The following CSMD3 variants were observed in gnomAD, a reference collection of about 807,000 sequenced individuals.
The protein encoded by CSMD3 is CUB and Sushi multiple domains 3.
Under a neutral mutation model 435.2 loss-of-function variants are expected in CSMD3, and 177 were observed. That is an observed-to-expected ratio of 0.41 (90% CI 0.36 to 0.46). CSMD3 has a LOEUF of 0.46. CSMD3 is among the 20% of genes least tolerant of loss of function. The pLI is 0.34. For missense variants in CSMD3, 4,265 were observed against 4,504.6 expected (o/e 0.95, Z 1.52); for synonymous variants, 1,656 against 1,520.5 (o/e 1.09, Z -2.07).
chr8:113,166,704 CT>C (rs1238442137), intron 4 of CSMD3, among the ~76,000 whole-genome samples: 4 of 152,038 alleles, frequency 2.6e-5, no homozygotes, highest in Non-Finnish European at 5.9e-5. Context: ...CTTAAAGTTC[CT>C]TTTAATGCTG....
chr8:112,726,917 T>A (rs981761751), intron 13 of CSMD3, among the ~76,000 whole-genome samples: 1 of 151,940 alleles, frequency 6.6e-6, no homozygotes, highest in South Asian at 2.1e-4. Flanking sequence ...GGGAATATGA[T>A]TCAAGAGAAA....
chr8:113,326,808 A>G (rs917761575), intron 1 of CSMD3, among the ~76,000 whole-genome samples: 2 of 152,184 alleles, frequency 1.3e-5, no homozygotes, highest in African/African-American at 2.4e-5. Flanking sequence ...TTTATAACCC[A>G]TTCCAAATTC....
At chr8:112,284,354 A>G (rs1818964459) in intron 58 of CSMD3, among the ~76,000 whole-genome samples, 1 of 151,896 alleles carries the variant, frequency 6.6e-6, no homozygotes, top group African/African-American at 2.4e-5. Context: ...AAGTAATATG[A>G]CAGCAATAGA....
intron 38 of CSMD3, among the ~76,000 whole-genome samples, chr8:112,377,211 C>G (rs1165089566): frequency 6.6e-6 from 1 of 151,518 alleles, no homozygotes; most frequent in African/African-American, 2.4e-5. Context: ...GAATAAGAGA[C>G]TACTATGAAC....
chr8:113,175,192 T>C (rs1485905622), intron 3 of CSMD3, among the ~76,000 whole-genome samples: 2 of 151,768 alleles, frequency 1.3e-5, no homozygotes, highest in African/African-American at 4.8e-5. Context: ...TTTGAGAGTG[T>C]TTTTTAAACT....
At chr8:112,346,341 T>C in intron 40 of CSMD3, 128 bp from the exon 41 acceptor site, 1 of 713,602 alleles carries the variant, frequency 1.4e-6, no homozygotes, top group Non-Finnish European at 2.6e-6. Context: ...GAATATTGTC[T>C]GTTCACTCAC....
chr8:113,135,396 C>A (rs572100192), intron 4 of CSMD3, among the ~76,000 whole-genome samples: 148 of 151,834 alleles, frequency 9.7e-4, no homozygotes, highest in Middle Eastern at 3.4e-3. Flanking sequence ...GTTCCTTTAG[C>A]CTAAATAATT....
In CSMD3 at chr8:112,908,515, T is replaced by C. The variant is rs191120287; in HGVS notation, c.1633+13112A>G. 2.0e-5 allele frequency among the ~76,000 whole-genome samples: 3 copies of C among 151,658 alleles called. No homozygotes were observed. In the Admixed American group the frequency reaches 2.0e-4, roughly 10 times the overall value. On this transcript the variant is annotated intron_variant, in intron 10 of 70. Transcript: ENST00000297405. ...CTGGCAATGTTCACTATTGTCTTTCTTAGTTATTGTAATTCTAAAATGAGC... is the reference window on the plus strand; with the variant it reads ...CTGGCAATGTTCACTATTGTCTTTCCTAGTTATTGTAATTCTAAAATGAGC...
chr8:112,513,700 G>T (rs995676251), intron 28 of CSMD3, among the ~76,000 whole-genome samples: 1 of 152,236 alleles, frequency 6.6e-6, no homozygotes, highest in South Asian at 2.1e-4. Flanking sequence ...GTAAAAAAAC[G>T]TAATATCTGT....
At chr8:112,421,706 G>T (rs1160664146) in intron 32 of CSMD3, among the ~76,000 whole-genome samples, 1 of 147,050 alleles carries the variant, frequency 6.8e-6, no homozygotes, top group Non-Finnish European at 1.5e-5. Context: ...TATATATATT[G>T]CCAGACCAAA....
chr8:112,530,520 A>G (rs1226500889), intron 27 of CSMD3, among the ~76,000 whole-genome samples: 8 of 152,180 alleles, frequency 5.3e-5, no homozygotes, highest in Non-Finnish European at 1.0e-4. Flanking sequence ...TGTGGAAAGA[A>G]AAAATAGCCT....
chr8:112,985,202 C>T (rs548309122), intron 6 of CSMD3, among the ~76,000 whole-genome samples: 1 of 152,120 alleles, frequency 6.6e-6, no homozygotes, highest in African/African-American at 2.4e-5. Flanking sequence ...GTTGAAGAGA[C>T]ATTGGCATTG....
chr8:112,706,887 A>T (rs1200664922), intron 13 of CSMD3, among the ~76,000 whole-genome samples: 1 of 152,108 alleles, frequency 6.6e-6, no homozygotes, highest in Admixed American at 6.6e-5. Flanking sequence ...AAGTATCAGG[A>T]AACATTTCTT....
chr8:113,184,903 C>T (rs1374824157), intron 3 of CSMD3, among the ~76,000 whole-genome samples: 1 of 152,152 alleles, frequency 6.6e-6, no homozygotes, highest in Admixed American at 6.5e-5. Flanking sequence ...TCATTTATTC[C>T]ATAACCTTCC....
intron 60 of CSMD3, among the ~76,000 whole-genome samples, chr8:112,264,253 C>T (rs1379701055): frequency 6.6e-6 from 1 of 152,130 alleles, no homozygotes; most frequent in Non-Finnish European, 1.5e-5. Context: ...TTTTTGAAAA[C>T]ACAGGTCATA....
chr8:112,838,058 G>T (rs2080078920), intron 11 of CSMD3, among the ~76,000 whole-genome samples: 1 of 151,514 alleles, frequency 6.6e-6, no homozygotes. Flanking sequence ...ATTGCTTTGG[G>T]ATATAGACAC....
At chr8:112,583,085 A>G (rs1435245781) in intron 23 of CSMD3, among the ~76,000 whole-genome samples, 1 of 152,078 alleles carries the variant, frequency 6.6e-6, no homozygotes, top group Non-Finnish European at 1.5e-5. Flanking sequence ...TATCCAAGCA[A>G]GAGATAATAA....
At chr8:112,918,052 C>T (rs941363770) in intron 10 of CSMD3, among the ~76,000 whole-genome samples, 1 of 151,914 alleles carries the variant, frequency 6.6e-6, no homozygotes, top group Non-Finnish European at 1.5e-5. Context: ...CTTGCACTAA[C>T]TTGTAAACAA....
rs1828088942 is a variant in CSMD3, at chr8:112,556,086, C to CTTGGTCT, written c.4234+670_4234+676dup. 2.6e-5 allele frequency among the ~76,000 whole-genome samples: 4 copies of CTTGGTCT among 151,882 alleles called. No individual in the cohort carries two copies. In the South Asian group the frequency reaches 8.3e-4, roughly 31 times the overall value. On this transcript the variant is annotated intron_variant, in intron 25 of 70. Coordinates refer to ENST00000297405, the MANE Select transcript of CSMD3 (RefSeq NM_198123.2). ...TCCTAGTATTCCAATCTGACACCTA[C>CTTGGTCT]TTGGTCTTTAGAGCAGAAAAGAAAA...
Sources: allele counts gnomAD v4.1 joint callset (sites outside exome capture counted in the v4.1 genomes callset), GRCh38; gene constraint gnomAD v4.1.1; transcripts MANE v1.5; gene names NCBI Gene and HGNC (gene_info 2026-07-23, HGNC 2026-07-21).